LARGE1: variants seen among roughly 807,000 people sequenced by gnomAD.
LARGE1 encodes LARGE xylosyl- and glucuronyltransferase 1.
Under a neutral mutation model 87.6 loss-of-function variants are expected in LARGE1, and 43 were observed. The observed-to-expected ratio is 0.49, with a 90% CI of 0.38 to 0.63. The LOEUF is 0.63. LARGE1 is among the 30% of genes least tolerant of loss of function. LARGE1 has a pLI of 0.00. For missense variants in LARGE1, 802 were observed against 1,000.2 expected (o/e 0.80, Z 2.67); for synonymous variants, 434 against 394.6 (o/e 1.10, Z -1.18).
At chr22:33,462,133 A>G (rs1452244332) in intron 6 of LARGE1, among the ~76,000 whole-genome samples, 1 of 152,326 alleles carries the variant, frequency 6.6e-6, no homozygotes, top group South Asian at 2.1e-4. Flanking sequence ...GTTAAAAATG[A>G]CCAGGTGTAT....
At position 33,720,884 on chromosome 22, in the gene LARGE1, G is replaced by C. The variant is rs142692985; in HGVS notation, c.106+40487C>G. 5.9e-3 allele frequency among the ~76,000 whole-genome samples: 896 copies of C among 152,316 alleles called. 5 individuals carry two copies. The highest frequency in any genetic ancestry group is 8.9e-3 in the Non-Finnish European group (606 of 68,018). ...AAGATAAGGCTTCTGAGGCCAGGGG[G>C]CTGCTGGAAAAAGAGCAGCCCAATT... is the stretch of plus-strand genomic sequence containing the variant. On this transcript the variant is annotated intron_variant, in intron 2 of 14. Coordinates refer to ENST00000397394, the MANE Select transcript of LARGE1 (RefSeq NM_133642.5).
At chr22:33,294,671 G>C (rs1932985013) in intron 12 of LARGE1, among the ~76,000 whole-genome samples, 1 of 152,142 alleles carries the variant, frequency 6.6e-6, no homozygotes, top group Non-Finnish European at 1.5e-5. Context: ...GTTCATCCTA[G>C]ACTGTTTCGC....
intron 5 of LARGE1, among the ~76,000 whole-genome samples, chr22:33,576,826 C>T (rs1318420240): frequency 1.3e-5 from 2 of 152,166 alleles, no homozygotes; most frequent in East Asian, 3.9e-4. Context: ...ATACCTAATG[C>T]AATGTAAATA....
intron 6 of LARGE1, among the ~76,000 whole-genome samples, chr22:33,534,142 C>T (rs1193959682): frequency 1.3e-5 from 2 of 151,946 alleles, no homozygotes; most frequent in Non-Finnish European, 1.5e-5. Flanking sequence ...TGGTGGCTCA[C>T]GCCTGTAATC....
At chr22:33,070,261 T>C in the LARGE1 span, among the ~76,000 whole-genome samples, 1 of 152,252 alleles carries the variant, frequency 6.6e-6, no homozygotes, top group South Asian at 2.1e-4. Context: ...AGGGGTCTAG[T>C]ACATGTTCAG....
chr22:33,496,034 T>C (rs930627322), intron 6 of LARGE1, among the ~76,000 whole-genome samples: 2 of 152,148 alleles, frequency 1.3e-5, no homozygotes, highest in African/African-American at 4.8e-5. Context: ...GGTCCCACAA[T>C]AGGCCATCTA....
intron 11 of LARGE1, among the ~76,000 whole-genome samples, chr22:33,238,010 C>T (rs989555113): frequency 6.6e-6 from 1 of 151,974 alleles, no homozygotes; most frequent in Non-Finnish European, 1.5e-5. Flanking sequence ...TATCTTGAGA[C>T]CAGGATGGGG....
At chr22:33,783,162 C>T (rs1252036907) in intron 1 of LARGE1, among the ~76,000 whole-genome samples, 3 of 151,912 alleles carry the variant, frequency 2.0e-5, no homozygotes, top group Non-Finnish European at 1.5e-5. Context: ...CTTAGCAAAA[C>T]ACGTTAATCC....
At chr22:33,809,237 A>C (rs1393809544) in intron 1 of LARGE1, among the ~76,000 whole-genome samples, 1 of 150,964 alleles carries the variant, frequency 6.6e-6, no homozygotes, top group Non-Finnish European at 1.5e-5. Flanking sequence ...GCGCCACTGC[A>C]CACCAGCCTG....
chr22:33,397,277 G>A lies in LARGE1; in HGVS notation c.893-12973C>T, dbSNP rs574903754. Among the ~76,000 whole-genome samples the A allele has an allele frequency of 1.1e-3, 160 of 152,132 alleles. 1 individual carries two copies. Among genetic ancestry groups the A allele is most frequent in the South Asian group, 7.7e-3 (37 of 4,812 alleles). ...ATAACAGGCATGTGCCACTATGCCCGGCTAATTTTGTATTTTTAGTAGAGA... is the reference window on the plus strand; with the variant it reads ...ATAACAGGCATGTGCCACTATGCCCAGCTAATTTTGTATTTTTAGTAGAGA... On this transcript the variant is annotated intron_variant, in intron 7 of 14. Transcript: ENST00000397394.
chr22:33,776,724 G>T (rs1321386653), intron 1 of LARGE1, among the ~76,000 whole-genome samples: 3 of 152,242 alleles, frequency 2.0e-5, no homozygotes, highest in Non-Finnish European at 4.4e-5. Context: ...GCATCCCTTA[G>T]TGTTGAAGGG....
intron 7 of LARGE1, among the ~76,000 whole-genome samples, chr22:33,429,937 A>G (rs1035874786): frequency 7.2e-5 from 11 of 152,194 alleles, no homozygotes; most frequent in African/African-American, 2.7e-4. Context: ...GACAGGAAAC[A>G]GAGTGCCATG....
intron 11 of LARGE1, among the ~76,000 whole-genome samples, chr22:33,224,879 C>G (rs2145635375): frequency 6.6e-6 from 1 of 152,318 alleles, no homozygotes; most frequent in South Asian, 2.1e-4. Context: ...TGAATCAGAA[C>G]AATTATTCAA....
intron 3 of LARGE1, among the ~76,000 whole-genome samples, chr22:33,628,961 C>T (rs1223401359): frequency 1.3e-5 from 2 of 152,100 alleles, no homozygotes; most frequent in African/African-American, 2.4e-5. Context: ...CTGTCCTGCC[C>T]CAAAGGTCAA....
intron 6 of LARGE1, among the ~76,000 whole-genome samples, chr22:33,533,602 G>T (rs1162837927): frequency 6.6e-6 from 1 of 152,146 alleles, no homozygotes; most frequent in Non-Finnish European, 1.5e-5. Flanking sequence ...TAATAAATGG[G>T]CTAATATCAA....
chr22:33,271,669 C>T (rs533410898), downstream of LARGE1, among the ~76,000 whole-genome samples: 1 of 152,372 alleles, frequency 6.6e-6, no homozygotes, highest in South Asian at 2.1e-4. Flanking sequence ...GCAATTACCT[C>T]TGCCCAAATG....
intron 11 of LARGE1, among the ~76,000 whole-genome samples, chr22:33,200,821 G>T (rs1924343442): frequency 6.6e-6 from 1 of 152,204 alleles, no homozygotes; most frequent in African/African-American, 2.4e-5. Flanking sequence ...GCATTGGAGA[G>T]GGAGTGCTAG....
chr22:33,901,955 G>A lies in LARGE1; in HGVS notation c.-83+18040C>T, dbSNP rs956471278. On this transcript the variant is annotated intron_variant, in intron 1 of 14. Coordinates refer to ENST00000397394, the MANE Select transcript of LARGE1 (RefSeq NM_133642.5). ...CTCCCCACATCTTTTTGGCTGTGAT[G>A]TTTCATTCTAAACAGAGACAGACCA... is the stretch of plus-strand genomic sequence containing the variant. Among the ~76,000 whole-genome samples, 12 of 152,274 alleles carry A rather than the reference G, an allele frequency of 7.9e-5. No homozygotes were observed. In the Middle Eastern group the frequency reaches 0.01, roughly 129 times the overall value.
intron 7 of LARGE1, among the ~76,000 whole-genome samples, chr22:33,430,117 A>G (rs1235079243): frequency 6.6e-6 from 1 of 152,186 alleles, no homozygotes; most frequent in African/African-American, 2.4e-5. Flanking sequence ...TTAAAGTTCA[A>G]GCAAGGCAGG....
Sources: gnomAD v4.1 joint callset for allele counts (sites outside exome capture counted in the v4.1 genomes callset) on GRCh38, gnomAD v4.1.1 for gene constraint, MANE v1.5 for transcripts, NCBI Gene and HGNC (gene_info 2026-07-23, HGNC 2026-07-21) for gene names.